YPEL2: variants seen among roughly 807,000 people sequenced by gnomAD.
YPEL2 encodes the protein protein yippee-like 2.
A neutral mutation model predicts 19.1 loss-of-function variants in YPEL2; 2 were observed. That is an observed-to-expected ratio of 0.10 (90% CI 0.04 to 0.33). The LOEUF (loss-of-function observed/expected upper bound fraction) is 0.33, where lower values mean the gene tolerates loss of function less well. YPEL2 is among the 10% of genes least tolerant of loss of function. The pLI, the probability that YPEL2 is intolerant of heterozygous loss-of-function variation, is 1.00. For synonymous variants in YPEL2, 52 were observed against 50.0 expected, an observed-to-expected ratio of 1.04 and a Z score of -0.17; for missense variants, 66 against 140.7, an observed-to-expected ratio of 0.47 and a Z score of 2.68.
At chr17:59,386,157 T>C (rs970731437) in intron 2 of YPEL2, among the ~76,000 whole-genome samples, 3 of 102,166 alleles carry the variant, frequency 2.9e-5, no homozygotes. Flanking sequence ...ACCCTGTCTC[T>C]ATAAATTTTT....
intron 2 of YPEL2, among the ~76,000 whole-genome samples, chr17:59,373,025 C>T (rs917647805): frequency 1.3e-5 from 2 of 152,140 alleles, no homozygotes; most frequent in Non-Finnish European, 2.9e-5. Context: ...AGGCGTGTGC[C>T]ACCACACACA....
At chr17:59,378,613 A>T (rs1016405176) in intron 2 of YPEL2, among the ~76,000 whole-genome samples, 1 of 152,200 alleles carries the variant, frequency 6.6e-6, no homozygotes, top group Non-Finnish European at 1.5e-5. Flanking sequence ...CTGGGACTAC[A>T]GGTGTGAGCC....
chr17:59,339,115 AC>A (rs1418654987), intron 1 of YPEL2, among the ~76,000 whole-genome samples: 2 of 79,146 alleles, frequency 2.5e-5, no homozygotes, highest in Non-Finnish European at 5.3e-5. Context: ...CCCCACCCCC[AC>A]CCCCACCCCA....
chr17:59,373,739 C>T (rs1265957914), intron 2 of YPEL2, among the ~76,000 whole-genome samples: 1 of 152,164 alleles, frequency 6.6e-6, no homozygotes, highest in Non-Finnish European at 1.5e-5. Context: ...TCAGAGATCG[C>T]TTTAGTGGGA....
chr17:59,378,109 C>T (rs112118941), intron 2 of YPEL2, among the ~76,000 whole-genome samples: 1 of 152,098 alleles, frequency 6.6e-6, no homozygotes, highest in African/African-American at 2.4e-5. Context: ...CCAAAGCCGG[C>T]ATCCTTTCCC....
intron 2 of YPEL2, among the ~76,000 whole-genome samples, chr17:59,364,587 T>G (rs1012872691): frequency 2.0e-5 from 3 of 151,750 alleles, no homozygotes; most frequent in African/African-American, 7.3e-5. Flanking sequence ...TTAGTAGCTG[T>G]GTACATTAAG....
intron 2 of YPEL2, among the ~76,000 whole-genome samples, chr17:59,370,170 C>A (rs1436536673): frequency 6.6e-6 from 1 of 152,190 alleles, no homozygotes; most frequent in Non-Finnish European, 1.5e-5. Flanking sequence ...CATTCTCCAG[C>A]CTCAGCCTCA....
At chr17:59,379,232 G>A (rs182640824) in intron 2 of YPEL2, among the ~76,000 whole-genome samples, 48 of 152,160 alleles carry the variant, frequency 3.2e-4, no homozygotes, top group African/African-American at 9.9e-4. Context: ...CACTTTCTCC[G>A]TATGCATCCC....
chr17:59,366,229 T>G (rs1295017607), intron 2 of YPEL2: 1 of 154,100 alleles, frequency 6.5e-6, no homozygotes, highest in East Asian at 1.9e-4. Context: ...TATTCCACAT[T>G]GTGTGAGCTC....
At chr17:59,381,368 C>T (rs374356225) in intron 2 of YPEL2, among the ~76,000 whole-genome samples, 1 of 152,276 alleles carries the variant, frequency 6.6e-6, no homozygotes. Context: ...GTTGATCTTC[C>T]TAGACAGAGA....
chr17:59,387,697 T>TG (rs1309073608), intron 2 of YPEL2, among the ~76,000 whole-genome samples: 4 of 152,222 alleles, frequency 2.6e-5, no homozygotes, highest in Admixed American at 2.6e-4. Context: ...AAAGTGGAAT[T>TG]GCTGCTTCAT....
intron 2 of YPEL2, among the ~76,000 whole-genome samples, chr17:59,381,580 T>G (rs1484886996): frequency 2.0e-5 from 3 of 152,204 alleles, no homozygotes; most frequent in African/African-American, 7.2e-5. Context: ...AAAAGGAGTT[T>G]CTGCCTTCCA....
At chr17:59,392,460 C>A (rs2048012126) in intron 4 of YPEL2, among the ~76,000 whole-genome samples, 2 of 151,608 alleles carry the variant, frequency 1.3e-5, no homozygotes, top group South Asian at 4.2e-4. Flanking sequence ...AAACACCCAA[C>A]ACCCCAAATA....
At chr17:59,395,718 C>G (rs369739139) in intron 4 of YPEL2, among the ~76,000 whole-genome samples, 1 of 152,132 alleles carries the variant, frequency 6.6e-6, no homozygotes, top group Non-Finnish European at 1.5e-5. Flanking sequence ...AGAAGGAGAC[C>G]TGTCTGGCCT....
chr17:59,384,756 C>A (rs36000176), intron 2 of YPEL2, among the ~76,000 whole-genome samples: 11,901 of 152,228 alleles, frequency 0.078, 579 homozygotes, highest in South Asian at 0.14. Flanking sequence ...TACCACTGCC[C>A]TGGTAAGTCT....
intron 1 of YPEL2, among the ~76,000 whole-genome samples, chr17:59,346,255 A>C (rs866958706): frequency 6.6e-6 from 1 of 152,194 alleles, no homozygotes; most frequent in Non-Finnish European, 1.5e-5. Context: ...GGCTATGGCT[A>C]CTTAGTCACG....
chr17:59,352,208 A>G (rs919625520), intron 1 of YPEL2, among the ~76,000 whole-genome samples: 2 of 152,136 alleles, frequency 1.3e-5, no homozygotes, highest in Admixed American at 1.3e-4. Context: ...CTCTCCTGGG[A>G]GGTAGGCAAG....
At chr17:59,390,641 C>A (rs1474615722) in intron 4 of YPEL2, among the ~76,000 whole-genome samples, 1 of 152,176 alleles carries the variant, frequency 6.6e-6, no homozygotes, top group East Asian at 1.9e-4. Flanking sequence ...ATGTTAAGGT[C>A]CCTTTGGGGC....
chr17:59,335,472 G>A lies in YPEL2; in HGVS notation c.-196+3648G>A, dbSNP rs150182402. Among the ~76,000 whole-genome samples the A allele has an allele frequency of 4.8e-3, 732 of 152,034 alleles. 8 individuals are homozygous for A. Among genetic ancestry groups the A allele is most frequent in the African/African-American group, 0.017 (685 of 41,398 alleles). Reference sequence around the variant, plus strand: ...CTGCTTGAGAAAAGCTCGCCTTTCTGAGGTTTCTGAAACATGCCATACTTA... The same window carrying A: ...CTGCTTGAGAAAAGCTCGCCTTTCTAAGGTTTCTGAAACATGCCATACTTA... On this transcript the variant is annotated intron_variant, in intron 1 of 4. Coordinates refer to ENST00000312655, the MANE Select transcript of YPEL2 (RefSeq NM_001005404.4).
Sources: allele counts gnomAD v4.1 joint callset (sites outside exome capture counted in the v4.1 genomes callset), GRCh38; gene constraint gnomAD v4.1.1; transcripts MANE v1.5; gene names NCBI Gene and HGNC (gene_info 2026-07-23, HGNC 2026-07-21).